Variants in PFKM observed in about 807,000 individuals in gnomAD.
PFKM encodes the protein phosphofructokinase, muscle.
A neutral mutation model predicts 95.5 loss-of-function variants in PFKM; 58 were observed. That is an observed-to-expected ratio of 0.61 (90% confidence interval 0.49 to 0.76). The LOEUF (loss-of-function observed/expected upper bound fraction) is 0.76, where lower values mean the gene tolerates loss of function less well. Ranked by LOEUF, PFKM falls within the 30% of genes least tolerant of loss-of-function variation. PFKM has a pLI of 0.00. For missense variants in PFKM, 678 were observed against 1,005.4 expected, an observed-to-expected ratio of 0.67 and a Z score of 4.40; for synonymous variants, 336 against 357.2, an observed-to-expected ratio of 0.94 and a Z score of 0.67.
upstream of PFKM, among the ~76,000 whole-genome samples, chr12:48,116,018 C>T (rs1322891310): frequency 6.6e-6 from 1 of 152,118 alleles, no homozygotes; most frequent in East Asian, 1.9e-4. Flanking sequence ...GCCAAATTTC[C>T]ACTGCAGCTG....
intron 14 of PFKM, 52 bp from the exon 15 acceptor site, chr12:48,141,259 A>G: frequency 3.3e-6 from 5 of 1,529,608 alleles, no homozygotes; most frequent in East Asian, 2.2e-5. Context: ...AGTCCCACAC[A>G]GGCCTCCTAG....
At chr12:48,114,975 A>C (rs572461634), upstream of PFKM, among the ~76,000 whole-genome samples, 37 of 152,296 alleles carry the variant, frequency 2.4e-4, no homozygotes, top group African/African-American at 8.4e-4. Flanking sequence ...TGGAGGGTGG[A>C]AGGTTGCCCA....
intron 4 of PFKM, chr12:48,131,988 G>A: frequency 2.2e-6 from 1 of 455,814 alleles, no homozygotes; most frequent in South Asian, 1.5e-5. Context: ...CTGAAAATTT[G>A]TAAATTACAT....
chr12:48,106,334 G>A (rs1359374332), intron 1 of PFKM: 1 of 558,436 alleles, frequency 1.8e-6, no homozygotes, highest in African/African-American at 2.0e-5. Context: ...TTCGTCCTAT[G>A]CTTTTCTCTG....
upstream of PFKM, among the ~76,000 whole-genome samples, chr12:48,115,471 A>T (rs2137675069): frequency 6.6e-6 from 1 of 152,312 alleles, no homozygotes; most frequent in South Asian, 2.1e-4. Context: ...GGATGGGGAG[A>T]ATTACAAAGA....
chr12:48,105,727 G>A (rs935145854), upstream of PFKM: 9 of 514,428 alleles, frequency 1.7e-5, no homozygotes, highest in Non-Finnish European at 2.8e-5. Flanking sequence ...AGTACGGCTG[G>A]GCGCTGGGAT....
At chr12:48,108,279 A>G in intron 3 of PFKM, 1 of 1,268,776 alleles carries the variant, frequency 7.9e-7, no homozygotes, top group Admixed American at 2.2e-5. Context: ...AAATCAGCGT[A>G]GACCTACTAA....
rs371605516 is a variant in PFKM, at chr12:48,142,030, C to T, written c.1617C>T (p.Ser539=). 7.4e-6 allele frequency: 12 copies of T among 1,613,986 alleles called. No homozygotes were observed. The highest frequency in any genetic ancestry group is 2.2e-5 in the East Asian group (1 of 44,896). Reference sequence around the variant, plus strand: ...ACAATGTCCCTGGCTCAGACTTCAGCGTTGGGGCTGACACAGCACTCAATA... The same window carrying T: ...ACAATGTCCCTGGCTCAGACTTCAGTGTTGGGGCTGACACAGCACTCAATA... ...VSNNVPGSDF[S]VGADTALNTI... The change falls in exon 17 of 23, where the codon AGC becomes AGT. Residue 539 remains serine (S), a synonymous_variant. Coordinates refer to ENST00000359794, the MANE Select transcript of PFKM (RefSeq NM_000289.6).
intron 3 of PFKM, among the ~76,000 whole-genome samples, chr12:48,110,771 T>C (rs1184510309): frequency 6.6e-6 from 1 of 152,198 alleles, no homozygotes; most frequent in East Asian, 1.9e-4. Flanking sequence ...AGCTGCTGTT[T>C]TTTCCAACAT....
intron 1 of PFKM, among the ~76,000 whole-genome samples, chr12:48,121,456 A>T (rs1362356615): frequency 6.6e-6 from 1 of 152,182 alleles, no homozygotes; most frequent in Non-Finnish European, 1.5e-5. Context: ...AACACAATGC[A>T]TGTTTGTGAA....
chr12:48,117,272 A>G (rs1947758063), upstream of PFKM, among the ~76,000 whole-genome samples: 1 of 152,248 alleles, frequency 6.6e-6, no homozygotes, highest in African/African-American at 2.4e-5. Context: ...TTTGGCAATT[A>G]TGAATAAAGC....
At chr12:48,119,191 G>C, upstream of PFKM, 2 of 736,400 alleles carry the variant, frequency 2.7e-6, no homozygotes, top group African/African-American at 3.8e-5. Flanking sequence ...TCTGAGCTGA[G>C]TACTTAGGGG....
Position 48,145,390 on chromosome 12 carries a change from G to A in PFKM, c.2198+75G>A, listed in dbSNP as rs936304918. On this transcript the variant is annotated intron_variant, in intron 22 of 22. Transcript: ENST00000359794. This position sits in a 1 kb window ranked among gnomAD's most constrained non-coding sequence, Gnocchi z 4.3. ...CTCTACTGTCCTCAACCTGTTCACT[G>A]TCTTTAATTCTTTTTTTTTTTTAAG... 1.4e-4 allele frequency: 192 copies of A among 1,366,394 alleles called. 1 individual carries two copies. The highest frequency in any genetic ancestry group is 2.5e-5 in the Non-Finnish European group (24 of 961,712). The allele number at this position is 1,366,394 out of a possible 1,614,324, so 84.6% of individuals were successfully genotyped here. A position where few individuals can be genotyped will look rare whatever the true frequency, so the allele number is the denominator to read the frequency against.
At chr12:48,112,575 G>A (rs993261287) in intron 3 of PFKM, among the ~76,000 whole-genome samples, 2 of 152,312 alleles carry the variant, frequency 1.3e-5, no homozygotes, top group Non-Finnish European at 2.9e-5. Flanking sequence ...CTGGGATGAA[G>A]GGTGCAAAGG....
In PFKM at chr12:48,145,534, T is replaced by G; in HGVS notation, c.2199-30T>G. ...GAAGTTGATTGGGGTGCTAAAAGAT[T>G]ATATCATCATCTACCTCATTCCTCT... On this transcript the variant is annotated intron_variant, in intron 22 of 22. Transcript: ENST00000359794. This position sits in a 1 kb window ranked among gnomAD's most constrained non-coding sequence, Gnocchi z 4.3. 1 of 1,613,134 alleles carries G rather than the reference T, an allele frequency of 6.2e-7. No homozygotes were observed. The highest frequency in any genetic ancestry group is 8.5e-7 in the Non-Finnish European group (1 of 1,179,124).
chr12:48,142,702 A>T, intron 17 of PFKM, 80 bp from the exon 18 acceptor site: 2 of 1,320,854 alleles, frequency 1.5e-6, no homozygotes, highest in Non-Finnish European at 2.2e-6. Flanking sequence ...TCCAGGGTTT[A>T]ATTAATGGCA....
chr12:48,139,052 A>G (rs1950353184), intron 11 of PFKM, among the ~76,000 whole-genome samples: 1 of 152,214 alleles, frequency 6.6e-6, no homozygotes, highest in Admixed American at 6.5e-5. Context: ...AAAAAAAAAT[A>G]AAATAAACAG....
chr12:48,108,046 G>A (rs950097608), intron 2 of PFKM: 1 of 1,598,532 alleles, frequency 6.3e-7, no homozygotes, highest in Non-Finnish European at 8.5e-7. Flanking sequence ...CCACCTTGAG[G>A]GTGACCTAAA....
intron 3 of PFKM, among the ~76,000 whole-genome samples, chr12:48,113,374 C>T (rs934912139): frequency 1.3e-4 from 20 of 152,178 alleles, no homozygotes; most frequent in African/African-American, 3.1e-4. Context: ...GCTTCCGAGG[C>T]GACTGGGCAG....
Sources: gnomAD v4.1 joint callset for allele counts (sites outside exome capture counted in the v4.1 genomes callset) on GRCh38, gnomAD v4.1.1 for gene constraint, Gnocchi (gnomAD v3.1) non-coding constraint, MANE v1.5 for transcripts, NCBI Gene and HGNC (gene_info 2026-07-23, HGNC 2026-07-21) for gene names.